Variants in GCH1 observed in about 807,000 individuals in gnomAD.
The protein encoded by GCH1 is GTP cyclohydrolase 1.
In GCH1, 5 loss-of-function variants were observed where a neutral mutation model predicts 25.9. The ratio of observed to expected loss-of-function variants is 0.19; its 90% CI spans 0.10 to 0.41. The LOEUF (loss-of-function observed/expected upper bound fraction) is 0.41, where lower values mean the gene tolerates loss of function less well. Among genes scored for constraint, GCH1 ranks in the 10% least tolerant of loss-of-function variants. GCH1 has a pLI of 1.00. For synonymous variants in GCH1, 159 were observed against 129.6 expected (o/e 1.23, Z -1.54); for missense variants, 261 against 336.5 (o/e 0.78, Z 1.75).
At chr14:54,849,185 T>C (rs1356085103) in intron 3 of GCH1, among the ~76,000 whole-genome samples, 1 of 152,216 alleles carries the variant, frequency 6.6e-6, no homozygotes, top group Non-Finnish European at 1.5e-5. Context: ...TTTTACTGAG[T>C]GCCTGCTATG....
chr14:54,900,234 G>C (rs1452561407), intron 1 of GCH1, among the ~76,000 whole-genome samples: 1 of 148,708 alleles, frequency 6.7e-6, no homozygotes, highest in African/African-American at 2.5e-5. Context: ...TCTGGAGACA[G>C]AGTCTCCCTC....
chr14:54,900,538 G>C (rs146417338), intron 1 of GCH1, among the ~76,000 whole-genome samples: 266 of 152,286 alleles, frequency 1.7e-3, no homozygotes, highest in Middle Eastern at 6.8e-3. Context: ...AATGTGGAAT[G>C]ATGTGTTCTT....
intron 1 of GCH1, among the ~76,000 whole-genome samples, chr14:54,875,545 A>C (rs1355079811): frequency 6.6e-6 from 1 of 152,224 alleles, no homozygotes; most frequent in African/African-American, 2.4e-5. Flanking sequence ...CAACCTACAG[A>C]ATGGGAGAAA....
intron 3 of GCH1, among the ~76,000 whole-genome samples, chr14:54,858,354 C>A (rs573400735): frequency 6.6e-6 from 1 of 152,132 alleles, no homozygotes; most frequent in African/African-American, 2.4e-5. Context: ...GGCACAATCT[C>A]GGCTCACTGC....
intron 1 of GCH1, among the ~76,000 whole-genome samples, chr14:54,871,498 G>C (rs895034752): frequency 6.6e-6 from 1 of 152,234 alleles, no homozygotes; most frequent in Non-Finnish European, 1.5e-5. Flanking sequence ...GCCAGACGGA[G>C]AATGACTTTG....
intron 1 of GCH1, among the ~76,000 whole-genome samples, chr14:54,883,150 G>A (rs2040295586): frequency 1.3e-5 from 2 of 151,548 alleles, no homozygotes; most frequent in African/African-American, 4.9e-5. Flanking sequence ...GAGGCAGGTG[G>A]ATCACGAGGT....
intron 3 of GCH1, among the ~76,000 whole-genome samples, chr14:54,848,179 C>T (rs545502803): frequency 1.1e-4 from 17 of 150,828 alleles, no homozygotes; most frequent in African/African-American, 3.9e-4. Context: ...TCTTGCCATC[C>T]AGGCTGGAGT....
intron 1 of GCH1, among the ~76,000 whole-genome samples, chr14:54,900,890 A>ACAT: frequency 1.7e-5 from 2 of 120,166 alleles, no homozygotes; most frequent in East Asian, 5.3e-4. Context: ...CACACACACA[A>ACAT]ATTTAAAGCC....
chr14:54,889,311 T>G (rs1045489546), intron 1 of GCH1, among the ~76,000 whole-genome samples: 1 of 152,222 alleles, frequency 6.6e-6, no homozygotes, highest in Admixed American at 6.5e-5. Context: ...CCTTCCTCAC[T>G]GCTAACGAAC....
chr14:54,847,042 T>C, intron 4 of GCH1, 57 bp downstream of exon 4: 1 of 715,962 alleles, frequency 1.4e-6, no homozygotes, highest in Non-Finnish European at 2.4e-6. Context: ...AAATAAAAAT[T>C]TAAAAAAAGA....
intron 3 of GCH1, among the ~76,000 whole-genome samples, chr14:54,858,285 CTTTTAT>C (rs1287989114): frequency 1.3e-5 from 2 of 152,018 alleles, no homozygotes; most frequent in Non-Finnish European, 1.5e-5. Context: ...TATTCCTCTT[CTTTTAT>C]TTTTATTTTT....
chr14:54,897,160 C>T (rs534542592), intron 1 of GCH1, among the ~76,000 whole-genome samples: 1 of 151,152 alleles, frequency 6.6e-6, no homozygotes, highest in Non-Finnish European at 1.5e-5. Context: ...CAGGCACGCA[C>T]CACCACACCC....
At chr14:54,888,679 A>ATTTTTT (rs58982226) in intron 1 of GCH1, among the ~76,000 whole-genome samples, 1 of 138,430 alleles carries the variant, frequency 7.2e-6, no homozygotes, top group Non-Finnish European at 1.6e-5. Flanking sequence ...CGCCCGGCTA[A>ATTTTTT]TTTTTTTTTT....
In GCH1 at chr14:54,900,992, G is replaced by A. The variant is rs530678468; in HGVS notation, c.343+1329C>T. 8.6e-5 allele frequency among the ~76,000 whole-genome samples: 13 copies of A among 151,902 alleles called. No individual in the cohort carries two copies. The South Asian group carries it at 2.7e-3, about 32-fold the overall frequency. On this transcript the variant is annotated intron_variant, in intron 1 of 5. Transcript: ENST00000491895. ...ATCTCTTCTGAGATTCCAAACTTTT[G>A]CAATTGAGGGGTAAAAAAAAGTGAA...
In GCH1 at chr14:54,843,484, C is replaced by T. The variant is rs560464776; in HGVS notation, c.*533G>A. The T allele has an allele frequency of 5.2e-5, 66 of 1,262,218 alleles. 1 individual carries two copies. The highest frequency in any genetic ancestry group is 6.2e-5 in the South Asian group (3 of 48,318). 78.2% of individuals were successfully genotyped at this position (1,262,218 alleles called of 1,614,324 possible). A position where few individuals can be genotyped will look rare whatever the true frequency, so the allele number is the denominator to read the frequency against. ...CACCTTCCCTTGGTGACTAACATTA[C>T]GACTGCTAAAAATATATTTTTAAAT... is the stretch of plus-strand genomic sequence containing the variant. On this transcript the variant is annotated 3_prime_UTR_variant, in exon 6 of 6. Coordinates refer to ENST00000491895, the MANE Select transcript of GCH1 (RefSeq NM_000161.3).
At chr14:54,875,249 C>T (rs2040140996) in intron 1 of GCH1, among the ~76,000 whole-genome samples, 1 of 152,166 alleles carries the variant, frequency 6.6e-6, no homozygotes, top group South Asian at 2.1e-4. Flanking sequence ...ATAAATGGTG[C>T]TGGAAAAGCT....
At chr14:54,865,056 G>A (rs1209612164) in intron 2 of GCH1, among the ~76,000 whole-genome samples, 6 of 145,398 alleles carry the variant, frequency 4.1e-5, no homozygotes, top group Admixed American at 2.7e-4. Context: ...AAAAAAAAAA[G>A]AGAGAGAGAG....
intron 1 of GCH1, among the ~76,000 whole-genome samples, chr14:54,874,823 T>C (rs1025408519): frequency 7.9e-5 from 12 of 152,106 alleles, no homozygotes; most frequent in African/African-American, 2.7e-4. Flanking sequence ...TACAAACCAC[T>C]GCTCCATAAA....
chr14:54,844,081 A>G lies in GCH1; in HGVS notation c.689T>C (p.Met230Thr), dbSNP rs2140038798. ...TGGATCCTCCCGGAACACACCCAACATTGTGCTGGTCACAGTTTTGCTGTT... is the reference window on the plus strand; with the variant it reads ...TGGATCCTCCCGGAACACACCCAACGTTGTGCTGGTCACAGTTTTGCTGTT... ...KMNSKTVTST[M>T]LGVFREDPKT... is the part of the protein sequence containing the mutation. Residue 230 changes from methionine to threonine, a missense_variant, in exon 6 of 6, where the codon ATG becomes ACG. Physicochemically the swap from Met to Thr is moderately conservative, Grantham distance 81. Around this residue, in one of 3 missense-constraint regions of GCH1, gnomAD observed 130 missense variants for 184.1 expected, o/e 0.71. Transcript: ENST00000491895. The G allele has an allele frequency of 6.2e-7, 1 of 1,613,960 alleles. No homozygotes were observed. Among genetic ancestry groups the G allele is most frequent in the Non-Finnish European group, 8.5e-7 (1 of 1,179,874 alleles).
Sources: allele counts gnomAD v4.1 joint callset (sites outside exome capture counted in the v4.1 genomes callset), GRCh38; gene constraint gnomAD v4.1.1; regional missense constraint gnomAD v4.1.1; transcripts MANE v1.5; gene names NCBI Gene and HGNC (gene_info 2026-07-23, HGNC 2026-07-21).